Variants in PLEKHG4B observed in about 807,000 individuals in gnomAD.
PLEKHG4B encodes the protein pleckstrin homology and RhoGEF domain containing G4B, also known as pleckstrin homology domain-containing family G member 4B.
In PLEKHG4B, 111 loss-of-function variants were observed where a neutral mutation model predicts 121.3. That is an observed-to-expected ratio of 0.92 (90% confidence interval 0.78 to 1.07). The LOEUF (loss-of-function observed/expected upper bound fraction) is 1.07, where lower values mean the gene tolerates loss of function less well. Among genes scored for constraint, PLEKHG4B ranks in the 50% least tolerant of loss-of-function variants. The probability of loss-of-function intolerance (pLI) is 0.00; values close to 1 mark genes in which losing one functional copy is unlikely to be tolerated. For missense variants in PLEKHG4B, 1,831 were observed against 1,757.8 expected (o/e 1.04, Z -0.74); for synonymous variants, 738 against 725.0 (o/e 1.02, Z -0.29).
At chr5:164,452 GGCTCACAGTAATGTTGTGACGGAGCAGA>G (rs1736169436) in intron 13 of PLEKHG4B, among the ~76,000 whole-genome samples, 1 of 120,056 alleles carries the variant, frequency 8.3e-6, no homozygotes. Context: ...CAGGGGGCGG[GGCTCACAGTAATGTTGTGACGGAGCAGA>G]GCTCACACTA....
chr5:131,450 T>A (rs188809275), intron 2 of PLEKHG4B, among the ~76,000 whole-genome samples: 1 of 152,354 alleles, frequency 6.6e-6, no homozygotes, highest in East Asian at 1.9e-4. Flanking sequence ...TCATGCTTTT[T>A]TTTTATGGCT....
intron 3 of PLEKHG4B, among the ~76,000 whole-genome samples, chr5:141,400 C>T (rs902170679): frequency 1.3e-4 from 19 of 150,152 alleles, no homozygotes; most frequent in South Asian, 2.1e-4. Context: ...GCACCCATCC[C>T]GCCTCTTCCA....
At chr5:109,152 C>G (rs1285557553) in intron 1 of PLEKHG4B, among the ~76,000 whole-genome samples, 1 of 152,150 alleles carries the variant, frequency 6.6e-6, no homozygotes, top group Non-Finnish European at 1.5e-5. Flanking sequence ...CCACGGATGT[C>G]TTGCTTTTTG....
chr5:155,933 T>C (rs1228403321), intron 9 of PLEKHG4B, 138 bp from the exon 10 acceptor site: 2 of 861,670 alleles, frequency 2.3e-6, no homozygotes, highest in African/African-American at 3.5e-5. Flanking sequence ...GACCATCAGC[T>C]TGAGGAGTGG....
At chr5:172,051 C>T (rs1162813066) in intron 16 of PLEKHG4B, among the ~76,000 whole-genome samples, 1 of 152,254 alleles carries the variant, frequency 6.6e-6, no homozygotes, top group South Asian at 2.1e-4. Context: ...TGGCTCCACT[C>T]TGGCCTGGGA....
In PLEKHG4B at chr5:154,984, T is replaced by C; in HGVS notation, c.2102T>C (p.Phe701Ser). 1 of 1,611,712 alleles carries C rather than the reference T, an allele frequency of 6.2e-7. No homozygotes were observed. The highest frequency in any genetic ancestry group is 8.5e-7 in the Non-Finnish European group (1 of 1,179,118). Residue 701 changes from phenylalanine (F) to serine (S), a missense_variant, in exon 8 of 20, where the codon TTC (phenylalanine) becomes TCC (serine). By Grantham distance (155) the Phe-to-Ser change is radical (BLOSUM62 -2). Transcript: ENST00000637938. Reference protein sequence around the residue: ...FPYSHGDWICFRQRLEHFAAN... With the variant: ...FPYSHGDWICSRQRLEHFAAN... ...TACAGCCATGGTGACTGGATCTGCTTCCGTCAGGTAGGTTCAGCCTGCAGC... is the reference window on the plus strand; with the variant it reads ...TACAGCCATGGTGACTGGATCTGCTCCCGTCAGGTAGGTTCAGCCTGCAGC...
Position 137,397 on chromosome 5 carries a change from G to C in PLEKHG4B, c.244-2086G>C, listed in dbSNP as rs1735014322. ...AACTGTACCCCGTAAACATAGTTAT[G>C]CTGGTGAACTTCACATTATATCTGT... is the stretch of plus-strand genomic sequence containing the variant. On this transcript the variant is annotated intron_variant, in intron 2 of 19. Transcript: ENST00000637938. This position sits in a 1 kb window ranked among gnomAD's most constrained non-coding sequence, Gnocchi z 4.2. Among the ~76,000 whole-genome samples the C allele has an allele frequency of 6.6e-6, 1 of 152,118 alleles. No homozygotes were observed. Among genetic ancestry groups the C allele is most frequent in the Non-Finnish European group, 1.5e-5 (1 of 68,026 alleles).
intron 3 of PLEKHG4B, among the ~76,000 whole-genome samples, chr5:142,831 C>T (rs567241701): frequency 3.3e-5 from 5 of 152,204 alleles, no homozygotes; most frequent in African/African-American, 1.2e-4. Context: ...CTGGAGACTC[C>T]GTCTCCGTGA....
Position 143,475 on chromosome 5 carries a change from C to T in PLEKHG4B, c.1783C>T (p.Leu595=). 2 of 1,612,908 alleles carry T rather than the reference C, an allele frequency of 1.2e-6. No individual in the cohort carries two copies. The highest frequency in any genetic ancestry group is 1.7e-6 in the Non-Finnish European group (2 of 1,179,996). ...EHSSCAELTR[L]LLYFHSIPRK... is the part of the protein sequence containing the mutation. Reference sequence around the variant, plus strand: ...CTCGTCCTGTGCTGAGCTGACCCGCCTGCTGCTGTACTTCCATAGCATCCC... The same window carrying T: ...CTCGTCCTGTGCTGAGCTGACCCGCTTGCTGCTGTACTTCCATAGCATCCC... Residue 595 remains leucine, a synonymous_variant, in exon 5 of 20, where the codon CTG becomes TTG. Transcript: ENST00000637938.
In PLEKHG4B at chr5:139,903, A is replaced by C. The variant is rs1579276821; in HGVS notation, c.664A>C (p.Ser222Arg). ...SSCTGPERLP[S>R]SPSEAPVPTQ... ...CTGCACAGGTCCTGAGCGGCTGCCC[A>C]GCAGCCCCTCAGAGGCCCCAGTCCC... The change falls in exon 3 of 20, where the codon AGC becomes CGC. Residue 222 changes from serine (S) to arginine (R), a missense_variant. Transcript: ENST00000637938. The surrounding 1 kb of genome is among the most constrained non-coding windows in gnomAD (Gnocchi z 5.0). The C allele has an allele frequency of 2.5e-6, 1 of 403,278 alleles. No individual in the cohort carries two copies. The highest frequency in any genetic ancestry group is 3.6e-5 in the East Asian group (1 of 28,070). The allele number at this position is 403,278 out of a possible 1,614,324, so 25.0% of individuals were successfully genotyped here.
intron 18 of PLEKHG4B, among the ~76,000 whole-genome samples, chr5:175,131 A>G (rs1288464784): frequency 6.6e-6 from 1 of 151,900 alleles, no homozygotes; most frequent in Admixed American, 6.5e-5. Flanking sequence ...GTCTGGTTCC[A>G]TGTTTAACCC....
intron 1 of PLEKHG4B, among the ~76,000 whole-genome samples, chr5:96,194 C>G (rs1733623072): frequency 6.6e-6 from 1 of 152,204 alleles, no homozygotes; most frequent in African/African-American, 2.4e-5. Context: ...GGGGAAGGCC[C>G]TGGTCCTCAC....
chr5:130,865 C>G (rs1734758449), intron 2 of PLEKHG4B, among the ~76,000 whole-genome samples: 1 of 152,184 alleles, frequency 6.6e-6, no homozygotes, highest in Non-Finnish European at 1.5e-5. Context: ...AATTTGGTAG[C>G]AATCCCAGGG....
chr5:124,282 T>TA (rs1734549626), intron 2 of PLEKHG4B, among the ~76,000 whole-genome samples: 1 of 152,330 alleles, frequency 6.6e-6, no homozygotes, highest in East Asian at 1.9e-4. Flanking sequence ...GGAAGTTGTC[T>TA]CATGTGTGCA....
At chr5:134,388 T>A (rs1402129395) in intron 2 of PLEKHG4B, among the ~76,000 whole-genome samples, 1 of 151,398 alleles carries the variant, frequency 6.6e-6, no homozygotes, top group East Asian at 1.9e-4. Flanking sequence ...CTGTGATGGG[T>A]GCGCCAAAAT....
At position 156,061 on chromosome 5, in the gene PLEKHG4B, TC is replaced by T; in HGVS notation, c.2209-7del. 1 of 1,571,056 alleles carries T rather than the reference TC, an allele frequency of 6.4e-7. No individual in the cohort carries two copies. Among genetic ancestry groups the T allele is most frequent in the Admixed American group, 1.8e-5 (1 of 56,812 alleles). Reference sequence around the variant, plus strand: ...GGAGTTAAAGGCTTATTCCTCCCCATCCCGTGCAGGAAGTCGCCGAGTTAAT... The same window carrying T: ...GGAGTTAAAGGCTTATTCCTCCCCATCCGTGCAGGAAGTCGCCGAGTTAAT... On this transcript the variant is annotated splice_polypyrimidine_tract_variant and intron_variant, in intron 9 of 19. Transcript: ENST00000637938. The surrounding 1 kb of genome is among the most constrained non-coding windows in gnomAD (Gnocchi z 4.4).
At position 173,255 on chromosome 5, in the gene PLEKHG4B, AAGG is replaced by A. The variant is rs1347513303; in HGVS notation, c.4221+191_4221+193del. On this transcript the variant is annotated intron_variant, in intron 17 of 19. Transcript: ENST00000637938. ...AAAACGTTAGCCTTCCAAAAGCTGC[AAGG>A]AGAAGTGTGTCTTCTCCAGTCCCAT... 1.6e-4 allele frequency among the ~76,000 whole-genome samples: 24 copies of A among 152,210 alleles called. 1 individual carries two copies. Among genetic ancestry groups the A allele is most frequent in the African/African-American group, 5.5e-4 (23 of 41,458 alleles).
In PLEKHG4B at chr5:146,969, AC is replaced by A. The variant is rs1231790797; in HGVS notation, c.1905+2055del. Among the ~76,000 whole-genome samples the A allele has an allele frequency of 1.1e-4, 16 of 151,582 alleles. 1 individual carries two copies. Among genetic ancestry groups the A allele is most frequent in the Admixed American group, 9.9e-4 (15 of 15,198 alleles). ...CTTGGAGGAGACAGGCTCAGTCATG[AC>A]CCCCCTTACAGAGTGGGATCCACTC... is the stretch of plus-strand genomic sequence containing the variant. On this transcript the variant is annotated intron_variant, in intron 6 of 19. Coordinates refer to ENST00000637938, the MANE Select transcript of PLEKHG4B (RefSeq NM_052909.5).
intron 11 of PLEKHG4B, among the ~76,000 whole-genome samples, chr5:158,280 C>T: frequency 7.1e-6 from 1 of 140,542 alleles, no homozygotes; most frequent in South Asian, 2.3e-4. Context: ...CTCCTCTCCT[C>T]CCTCTGCCCA....
Sources: allele counts gnomAD v4.1 joint callset (sites outside exome capture counted in the v4.1 genomes callset), GRCh38; gene constraint gnomAD v4.1.1; non-coding constraint Gnocchi (gnomAD v3.1); transcripts MANE v1.5; gene names NCBI Gene and HGNC (gene_info 2026-07-23, HGNC 2026-07-21).